TRPM6: variants seen among roughly 807,000 people sequenced by gnomAD.
TRPM6 encodes the protein transient receptor potential cation channel subfamily M member 6.
A neutral mutation model predicts 247.6 loss-of-function variants in TRPM6; 111 were observed. That is an observed-to-expected ratio of 0.45 (90% CI 0.38 to 0.52). TRPM6 has a LOEUF of 0.52. Among genes scored for constraint, TRPM6 ranks in the 20% least tolerant of loss-of-function variants. TRPM6 has a pLI of 0.00. For synonymous variants in TRPM6, 892 were observed against 853.8 expected, an observed-to-expected ratio of 1.04 and a Z score of -0.78; for missense variants, 2,126 against 2,421.5, an observed-to-expected ratio of 0.88 and a Z score of 2.56.
intron 1 of TRPM6, among the ~76,000 whole-genome samples, chr9:74,872,078 C>T (rs929786063): frequency 6.6e-6 from 1 of 152,026 alleles, no homozygotes; most frequent in Non-Finnish European, 1.5e-5. Context: ...GTCTCAAACT[C>T]CTGACCTCAA....
At chr9:74,818,385 C>A (rs1222429754) in intron 9 of TRPM6, among the ~76,000 whole-genome samples, 1 of 146,876 alleles carries the variant, frequency 6.8e-6, no homozygotes, top group Admixed American at 6.9e-5. Context: ...TCACCGCAAC[C>A]TCTGCCTCCC....
At chr9:74,827,591 A>G in intron 7 of TRPM6, 187 bp downstream of exon 7, 1 of 706,878 alleles carries the variant, frequency 1.4e-6, no homozygotes, top group Non-Finnish European at 2.6e-6. Context: ...TCGAAGTGTC[A>G]TTTGGATTGG....
intron 30 of TRPM6, among the ~76,000 whole-genome samples, chr9:74,748,879 G>A (rs1438807650): frequency 3.3e-5 from 5 of 151,976 alleles, no homozygotes; most frequent in African/African-American, 9.7e-5. Context: ...TAATGTCCTG[G>A]GCCTTCACAT....
chr9:74,801,243 A>ATTTTTT (rs59490187), intron 16 of TRPM6, among the ~76,000 whole-genome samples: 16 of 85,292 alleles, frequency 1.9e-4, no homozygotes, highest in East Asian at 9.1e-4. Context: ...AAGCCTGGGA[A>ATTTTTT]TTTTTTTTTT....
intron 1 of TRPM6, among the ~76,000 whole-genome samples, chr9:74,869,453 CA>C (rs775850642): frequency 0.025 from 1,928 of 76,740 alleles, 11 homozygotes; most frequent in Admixed American, 0.038. Context: ...GACTCCATCT[CA>C]AAAAAAAAAA....
At chr9:74,744,394 C>T (rs1409518618) in intron 31 of TRPM6, among the ~76,000 whole-genome samples, 3 of 152,062 alleles carry the variant, frequency 2.0e-5, no homozygotes, top group Non-Finnish European at 4.4e-5. Context: ...ATATTAGCCT[C>T]AAAGATGTAT....
rs754589736 is a variant in TRPM6, at chr9:74,785,770, G to A, written c.2919+104C>T. ...GATCTCCTGACCTTGTGATCCGCCC[G>A]CCTTGGCCTCCCAAAGTGCTGGGAT... On this transcript the variant is annotated intron_variant, in intron 21 of 38. Coordinates refer to ENST00000360774, the MANE Select transcript of TRPM6 (RefSeq NM_017662.5). The A allele has an allele frequency of 2.1e-4, 266 of 1,292,234 alleles. 1 individual carries two copies. Among genetic ancestry groups the A allele is most frequent in the South Asian group, 7.9e-4 (66 of 83,754 alleles). The allele number at this position is 1,292,234 out of a possible 1,614,324, so 80.0% of individuals were successfully genotyped here.
chr9:74,782,495 A>C lies in TRPM6; in HGVS notation c.3095-19T>G. The C allele has an allele frequency of 6.3e-7, 1 of 1,591,868 alleles. No individual in the cohort carries two copies. Among genetic ancestry groups the C allele is most frequent in the Non-Finnish European group, 8.6e-7 (1 of 1,161,636 alleles). ...GAACAAACTACAAATAAAGAATTTT[A>C]AAAGAATGAAAGATAAGATGAATCA... On this transcript the variant is annotated intron_variant, in intron 22 of 38. Coordinates refer to ENST00000360774, the MANE Select transcript of TRPM6 (RefSeq NM_017662.5).
chr9:74,775,203 G>A (rs748822230), intron 24 of TRPM6, among the ~76,000 whole-genome samples: 6 of 152,060 alleles, frequency 3.9e-5, no homozygotes, highest in Admixed American at 6.6e-5. Context: ...CCCTATTTCC[G>A]CATCCTGACT....
intron 1 of TRPM6, among the ~76,000 whole-genome samples, chr9:74,879,458 A>G (rs749087102): frequency 7.2e-5 from 11 of 152,068 alleles, no homozygotes; most frequent in African/African-American, 1.2e-4. Flanking sequence ...GTCTTTTGTT[A>G]TAATGTCAGG....
At chr9:74,730,652 C>A (rs929266785) in intron 37 of TRPM6, among the ~76,000 whole-genome samples, 2 of 152,150 alleles carry the variant, frequency 1.3e-5, no homozygotes, top group Non-Finnish European at 2.9e-5. Context: ...TGGGGAGGGT[C>A]CTGAGATTTT....
rs1563984129 is a variant in TRPM6, at chr9:74,724,593, A to G, written c.*20T>C. The G allele has an allele frequency of 1.9e-6, 3 of 1,613,938 alleles. No homozygotes were observed. Among genetic ancestry groups the G allele is most frequent in the Non-Finnish European group, 2.5e-6 (3 of 1,180,006 alleles). ...CCTGGCAGGCAGGGCAAGCACTGGG[A>G]TCTTCTTGCTCCTCCCTTTTTATAG... On this transcript the variant is annotated 3_prime_UTR_variant, in exon 39 of 39. Transcript: ENST00000360774.
chr9:74,775,943 G>A lies in TRPM6; in HGVS notation c.3343C>T (p.Leu1115Phe). ...GCTCGATGACAGCACAGGCGGCGGA[G>A]GAGAAGGCCCACGTGGCTCAGCAGG... is the stretch of plus-strand genomic sequence containing the variant. ...LILLSHVGLLLRRLCCHRAPH... is the reference protein window; with the variant it reads ...LILLSHVGLLFRRLCCHRAPH... Residue 1115 changes from leucine (L) to phenylalanine (F), a missense_variant, in exon 24 of 39, where the codon CTC becomes TTC. By Grantham distance (22) the Leu-to-Phe change is conservative. This residue lies in a region of TRPM6 where 717 missense variants were observed against 715.9 expected (regional missense o/e 1.00). Coordinates refer to ENST00000360774, the MANE Select transcript of TRPM6 (RefSeq NM_017662.5). 6.2e-7 allele frequency: 1 copy of A among 1,614,162 alleles called. No individual in the cohort carries two copies. The highest frequency in any genetic ancestry group is 8.5e-7 in the Non-Finnish European group (1 of 1,180,030).
Position 74,752,527 on chromosome 9 carries a change from CT to C in TRPM6, c.4907-160del, listed in dbSNP as rs1159150346. 3.3e-5 allele frequency among the ~76,000 whole-genome samples: 5 copies of C among 152,120 alleles called. No homozygotes were observed. In the East Asian group the frequency reaches 7.7e-4, roughly 24 times the overall value. ...CAAGTTTTACCAAGTTTCCTTTATC[CT>C]TTTTTTCTCAAGAGGTTGAAAACTA... On this transcript the variant is annotated intron_variant, in intron 28 of 38. Coordinates refer to ENST00000360774, the MANE Select transcript of TRPM6 (RefSeq NM_017662.5).
At chr9:74,847,125 T>C (rs1830135844) in intron 3 of TRPM6, among the ~76,000 whole-genome samples, 1 of 152,190 alleles carries the variant, frequency 6.6e-6, no homozygotes, top group African/African-American at 2.4e-5. Flanking sequence ...TGGCTGACAA[T>C]GTCAAGTACT....
chr9:74,731,794 C>A (rs150012668), intron 37 of TRPM6, among the ~76,000 whole-genome samples: 35 of 151,822 alleles, frequency 2.3e-4, no homozygotes, highest in African/African-American at 7.0e-4. Flanking sequence ...TGTATGCTGG[C>A]AGTTCTCAAG....
At chr9:74,852,691 C>G (rs2118306202) in intron 3 of TRPM6, among the ~76,000 whole-genome samples, 1 of 152,318 alleles carries the variant, frequency 6.6e-6, no homozygotes, top group African/African-American at 2.4e-5. Flanking sequence ...CGGGGTTTCG[C>G]AGTGTTGGCC....
At chr9:74,789,135 C>T (rs111231355) in intron 19 of TRPM6, among the ~76,000 whole-genome samples, 2 of 152,136 alleles carry the variant, frequency 1.3e-5, no homozygotes, top group East Asian at 1.9e-4. Context: ...ATGCCAGATC[C>T]GCAGTGGCAA....
chr9:74,827,687 A>G (rs1276203992), intron 7 of TRPM6, 91 bp downstream of exon 7: 5 of 1,357,690 alleles, frequency 3.7e-6, no homozygotes, highest in Admixed American at 3.4e-5. Context: ...TGAGGGGACT[A>G]GGAGAGTGAG....
Sources: gnomAD v4.1 joint callset for allele counts (sites outside exome capture counted in the v4.1 genomes callset) on GRCh38, gnomAD v4.1.1 for gene constraint, gnomAD v4.1.1 regional missense constraint, MANE v1.5 for transcripts, NCBI Gene and HGNC (gene_info 2026-07-23, HGNC 2026-07-21) for gene names.